The following KHDRBS2 variants were observed in gnomAD, a reference collection of about 807,000 sequenced individuals.
The protein encoded by KHDRBS2 is KH RNA binding domain containing, signal transduction associated 2, also known as KH domain-containing, RNA-binding, signal transduction-associated protein 2.
In KHDRBS2, 26 loss-of-function variants were observed where a neutral mutation model predicts 44.3. That is an observed-to-expected ratio of 0.59 (90% confidence interval 0.43 to 0.81). The LOEUF (loss-of-function observed/expected upper bound fraction) is 0.81, where lower values mean the gene tolerates loss of function less well. Among genes scored for constraint, KHDRBS2 ranks in the 40% least tolerant of loss-of-function variants. KHDRBS2 has a pLI of 0.00. For missense variants in KHDRBS2, 476 were observed against 433.1 expected (o/e 1.10, Z -0.88); for synonymous variants, 194 against 151.1 (o/e 1.28, Z -2.08).
chr6:62,060,631 C>CTATA (rs1317159491), intron 2 of KHDRBS2, among the ~76,000 whole-genome samples: 58 of 147,342 alleles, frequency 3.9e-4, no homozygotes, highest in East Asian at 1.6e-3. Flanking sequence ...CTCTCTCTCT[C>CTATA]TCTATATATA....
chr6:61,799,612 C>T (rs1035540120), intron 6 of KHDRBS2, among the ~76,000 whole-genome samples: 1 of 151,888 alleles, frequency 6.6e-6, no homozygotes, highest in African/African-American at 2.4e-5. Context: ...ATCCTTCCCA[C>T]ATAAAACCAA....
At chr6:61,649,045 C>CGGG in the KHDRBS2 span, among the ~76,000 whole-genome samples, 1 of 151,982 alleles carries the variant, frequency 6.6e-6, no homozygotes, top group South Asian at 2.1e-4. Flanking sequence ...GTAGCTTTAC[C>CGGG]GGGGGCTGCT....
intron 1 of KHDRBS2, among the ~76,000 whole-genome samples, chr6:62,221,314 G>A (rs1275408142): frequency 2.0e-5 from 3 of 151,960 alleles, no homozygotes; most frequent in Non-Finnish European, 4.4e-5. Context: ...TAAGGTAGAG[G>A]GTATGGGGAG....
intron 6 of KHDRBS2, among the ~76,000 whole-genome samples, chr6:61,884,759 T>C (rs1281555392): frequency 9.2e-5 from 14 of 151,746 alleles, no homozygotes; most frequent in African/African-American, 2.4e-5. Flanking sequence ...AACTTGGTTC[T>C]AGCTAAGCAC....
At chr6:61,668,571 T>C in the KHDRBS2 span, among the ~76,000 whole-genome samples, 39 of 151,082 alleles carry the variant, frequency 2.6e-4, no homozygotes, top group African/African-American at 9.4e-4. Context: ...CTAACGTTAT[T>C]GTTTTATGTG....
At chr6:61,939,124 C>T (rs1311779168) in intron 4 of KHDRBS2, among the ~76,000 whole-genome samples, 1 of 125,704 alleles carries the variant, frequency 8.0e-6, no homozygotes, top group East Asian at 2.6e-4. Context: ...GTGGACCCCA[C>T]ACCAAAAATT....
Position 61,848,527 on chromosome 6 carries a change from A to G in KHDRBS2, c.810+46108T>C, listed in dbSNP as rs1350861026. ...TATATATATGTATATATGTATATATATATACATATATATGTATATATATAC... is the reference window on the plus strand; with the variant it reads ...TATATATATGTATATATGTATATATGTATACATATATATGTATATATATAC... On this transcript the variant is annotated intron_variant, in intron 6 of 8. Transcript: ENST00000281156. 5.5e-4 allele frequency among the ~76,000 whole-genome samples: 31 copies of G among 56,788 alleles called. 2 individuals carry two copies. Among genetic ancestry groups the G allele is most frequent in the Non-Finnish European group, 6.1e-4 (19 of 31,168 alleles). 37.3% of individuals were successfully genotyped at this position (56,788 alleles called of 152,430 possible).
chr6:61,889,664 C>T (rs1157665731), intron 6 of KHDRBS2, among the ~76,000 whole-genome samples: 1 of 152,156 alleles, frequency 6.6e-6, no homozygotes, highest in Non-Finnish European at 1.5e-5. Flanking sequence ...CCTACCTCCA[C>T]CCGCATGTTC....
intron 2 of KHDRBS2, among the ~76,000 whole-genome samples, chr6:62,151,681 C>A (rs1171936690): frequency 6.6e-6 from 1 of 152,072 alleles, no homozygotes; most frequent in African/African-American, 2.4e-5. Context: ...GAACTGAAGT[C>A]CTTATTAGCA....
intron 2 of KHDRBS2, among the ~76,000 whole-genome samples, chr6:62,093,709 T>C (rs1799932484): frequency 6.6e-6 from 1 of 151,826 alleles, no homozygotes; most frequent in Non-Finnish European, 1.5e-5. Context: ...AAAGACAATG[T>C]TTTAGATTCC....
At chr6:62,036,321 A>T (rs1237176564) in intron 3 of KHDRBS2, among the ~76,000 whole-genome samples, 1 of 151,994 alleles carries the variant, frequency 6.6e-6, no homozygotes, top group African/African-American at 2.4e-5. Context: ...TCAATCTTCT[A>T]TGTCCTATAA....
At chr6:61,701,338 A>T (rs1051505892) in intron 7 of KHDRBS2, among the ~76,000 whole-genome samples, 1 of 152,004 alleles carries the variant, frequency 6.6e-6, no homozygotes, top group African/African-American at 2.4e-5. Context: ...TTAAATTGAT[A>T]GAAGGTTCAA....
chr6:61,848,529 A>ATG (rs1794879720), intron 6 of KHDRBS2, among the ~76,000 whole-genome samples: 3 of 42,566 alleles, frequency 7.0e-5, no homozygotes, highest in Non-Finnish European at 1.3e-4. Context: ...GTATATATAT[A>ATG]TACATATATA....
chr6:62,048,157 C>A (rs1047623937), intron 2 of KHDRBS2, among the ~76,000 whole-genome samples, 163 bp from the exon 3 acceptor site: 12 of 150,324 alleles, frequency 8.0e-5, no homozygotes, highest in Non-Finnish European at 1.8e-4. Flanking sequence ...CACACACACA[C>A]AAACCCCAAA....
chr6:61,742,122 A>G (rs1562073135), intron 6 of KHDRBS2, among the ~76,000 whole-genome samples: 1 of 151,994 alleles, frequency 6.6e-6, no homozygotes, highest in Non-Finnish European at 1.5e-5. Flanking sequence ...GTCACCAAAA[A>G]CTAAAATGCT....
chr6:61,796,785 G>A (rs1175640909), intron 6 of KHDRBS2, among the ~76,000 whole-genome samples: 1 of 152,068 alleles, frequency 6.6e-6, no homozygotes, highest in African/African-American at 2.4e-5. Context: ...TTTAAAAGAT[G>A]CAATTTTACC....
chr6:61,848,616 GCT>G (rs1386143814), intron 6 of KHDRBS2, among the ~76,000 whole-genome samples: 1 of 120,920 alleles, frequency 8.3e-6, no homozygotes, highest in African/African-American at 3.1e-5. Context: ...TCGATTCCAG[GCT>G]TTTTTCATAT....
chr6:61,896,082 G>A lies in KHDRBS2; in HGVS notation c.612-1249C>T, dbSNP rs529358914. Among the ~76,000 whole-genome samples the A allele has an allele frequency of 1.6e-3, 243 of 152,194 alleles. 7 individuals carry two copies. In the South Asian group the frequency reaches 0.046, roughly 29 times the overall value. ...CCCAGAGGCCCAGTGCTGGCTGCAA[G>A]TACAACATGGCTAAGAATACAGTAT... On this transcript the variant is annotated intron_variant, in intron 5 of 8. Transcript: ENST00000281156.
chr6:61,811,760 ATAGT>A (rs1043186245), intron 6 of KHDRBS2, among the ~76,000 whole-genome samples: 4 of 151,984 alleles, frequency 2.6e-5, no homozygotes, highest in African/African-American at 9.7e-5. Flanking sequence ...TAACATTTTT[ATAGT>A]TGGCTTTTAC....
Sources: gnomAD v4.1 joint callset for allele counts (sites outside exome capture counted in the v4.1 genomes callset) on GRCh38, gnomAD v4.1.1 for gene constraint, MANE v1.5 for transcripts, NCBI Gene and HGNC (gene_info 2026-07-23, HGNC 2026-07-21) for gene names.